MYO5A: variants seen among roughly 807,000 people sequenced by gnomAD.
MYO5A encodes unconventional myosin-Va.
A neutral mutation model predicts 249.7 loss-of-function variants in MYO5A; 98 were observed. The observed-to-expected ratio is 0.39, with a 90% CI of 0.33 to 0.46. The LOEUF is 0.46. MYO5A is among the 20% of genes least tolerant of loss of function. The probability of loss-of-function intolerance (pLI) is 0.98; values close to 1 mark genes in which losing one functional copy is unlikely to be tolerated. For synonymous variants in MYO5A, 778 were observed against 810.6 expected (o/e 0.96, Z 0.68); for missense variants, 1,696 against 2,308.8 (o/e 0.73, Z 5.44).
At chr15:52,353,780 G>T in intron 26 of MYO5A, 91 bp downstream of exon 26, 1 of 1,604,758 alleles carries the variant, frequency 6.2e-7, no homozygotes. Flanking sequence ...GTGGTGCTTG[G>T]ATAGGCTGGG....
At chr15:52,514,612 G>A (rs1298811711) in intron 1 of MYO5A, among the ~76,000 whole-genome samples, 1 of 152,192 alleles carries the variant, frequency 6.6e-6, no homozygotes, top group African/African-American at 2.4e-5. Flanking sequence ...GGCCCAGGGC[G>A]AAGGCAGGTC....
rs935879909 is a variant in MYO5A, at chr15:52,372,258, A to G, written c.2683T>C (p.Cys895Arg). Residue 895 changes from cysteine (C) to arginine (R), a missense_variant, in exon 21 of 42, where the codon TGC becomes CGC. Physicochemically the swap from Cys to Arg is radical, Grantham distance 180 (BLOSUM62 -3). Coordinates refer to ENST00000399233, the MANE Select transcript of MYO5A (RefSeq NM_001382347.1). ...CGCTTGGCCATCATCCGCCTGAAGC[A>G]GCACTGAAGGTAGATGATGGCATGC... is the stretch of plus-strand genomic sequence containing the variant. ...SMHAIIYLQC[C>R]FRRMMAKREL... is the part of the protein sequence containing the mutation. The G allele has an allele frequency of 1.2e-6, 2 of 1,612,610 alleles. No individual in the cohort carries two copies. Among genetic ancestry groups the G allele is most frequent in the Non-Finnish European group, 8.5e-7 (1 of 1,180,028 alleles).
intron 1 of MYO5A, among the ~76,000 whole-genome samples, chr15:52,484,177 A>C (rs2076772111): frequency 6.6e-6 from 1 of 152,238 alleles, no homozygotes; most frequent in Admixed American, 6.5e-5. Context: ...AGCAGAACCA[A>C]AAGTATTCTA....
intron 1 of MYO5A, 119 bp from the exon 2 acceptor site, chr15:52,433,404 T>A (rs538408974): frequency 1.7e-5 from 7 of 408,664 alleles, no homozygotes; most frequent in Non-Finnish European, 3.2e-5. Context: ...TTGGCCAACA[T>A]GAAATTCACT....
chr15:52,397,542 G>C, intron 9 of MYO5A, 76 bp from the exon 10 acceptor site: 4 of 1,532,190 alleles, frequency 2.6e-6, no homozygotes, highest in South Asian at 1.1e-5. Context: ...TTAACAAAGA[G>C]TTAACAAATA....
intron 1 of MYO5A, among the ~76,000 whole-genome samples, chr15:52,518,867 G>A (rs2077553014): frequency 6.6e-6 from 1 of 152,126 alleles, no homozygotes; most frequent in Non-Finnish European, 1.5e-5. Flanking sequence ...GTCAGATCAG[G>A]GAGTGGTAAT....
chr15:52,466,375 C>T (rs1449551952), intron 1 of MYO5A, among the ~76,000 whole-genome samples: 1 of 152,188 alleles, frequency 6.6e-6, no homozygotes, highest in Non-Finnish European at 1.5e-5. Flanking sequence ...CAACCCCACC[C>T]ATGGACCAGA....
intron 2 of MYO5A, among the ~76,000 whole-genome samples, chr15:52,430,288 C>CA (rs1055922323): frequency 2.6e-5 from 4 of 152,194 alleles, no homozygotes; most frequent in Admixed American, 2.6e-4. Flanking sequence ...GGCAGAAGGG[C>CA]AACCCAGAGC....
chr15:52,494,425 T>C (rs1477017810), intron 1 of MYO5A, among the ~76,000 whole-genome samples: 7 of 152,216 alleles, frequency 4.6e-5, no homozygotes, highest in Admixed American at 2.0e-4. Flanking sequence ...AAATATACTA[T>C]AGTATTTAGT....
At chr15:52,430,225 G>A (rs72736684) in intron 2 of MYO5A, among the ~76,000 whole-genome samples, 29 of 152,258 alleles carry the variant, frequency 1.9e-4, no homozygotes, top group Non-Finnish European at 3.4e-4. Context: ...CCTTGCATTG[G>A]CCCTGTAAAT....
chr15:52,333,560 A>C (rs2038984367), intron 34 of MYO5A, among the ~76,000 whole-genome samples: 1 of 152,190 alleles, frequency 6.6e-6, no homozygotes. Flanking sequence ...TGATTTCTAG[A>C]ATCCTTTCAG....
At chr15:52,483,645 A>T (rs2076760590) in intron 1 of MYO5A, among the ~76,000 whole-genome samples, 2 of 152,172 alleles carry the variant, frequency 1.3e-5, no homozygotes, top group African/African-American at 4.8e-5. Context: ...TTGGAAAAAC[A>T]TGTCCCACTC....
chr15:52,327,631 T>C (rs1363181872), intron 36 of MYO5A, among the ~76,000 whole-genome samples: 1 of 152,222 alleles, frequency 6.6e-6, no homozygotes, highest in East Asian at 1.9e-4. Flanking sequence ...TGCTTGAGCC[T>C]GGGATTGCAC....
rs750625209 is a variant in MYO5A at position 52,370,404 on chromosome 15, T to C, written c.2831A>G (p.Lys944Arg). ...ATTGGTTAGTTTCTCCACAAGGCAT[T>C]TGTAGTCTTTGTTCTTTAAACATAC... is the stretch of plus-strand genomic sequence containing the variant. ...RKVDEQNKDYKCLVEKLTNLE... is the reference protein window; with the variant it reads ...RKVDEQNKDYRCLVEKLTNLE... Residue 944 changes from lysine to arginine, a missense_variant, in exon 22 of 42, where the codon AAA (lysine) becomes AGA (arginine). Around this residue, in one of 5 missense-constraint regions of MYO5A, gnomAD observed 412 missense variants for 453.3 expected, o/e 0.91. Transcript: ENST00000399233. The C allele has an allele frequency of 3.7e-6, 6 of 1,611,446 alleles. No homozygotes were observed. The highest frequency in any genetic ancestry group is 4.2e-6 in the Non-Finnish European group (5 of 1,177,702).
At chr15:52,374,287 C>T (rs2041286182) in intron 20 of MYO5A, among the ~76,000 whole-genome samples, 1 of 152,218 alleles carries the variant, frequency 6.6e-6, no homozygotes, top group Non-Finnish European at 1.5e-5. Flanking sequence ...ATTTTAACCA[C>T]ATTAATGTTA....
intron 5 of MYO5A, among the ~76,000 whole-genome samples, chr15:52,414,614 T>C (rs2043395619): frequency 6.6e-6 from 1 of 152,188 alleles, no homozygotes. Flanking sequence ...TGGGATTACC[T>C]AATGCCATCA....
chr15:52,347,417 T>C (rs2039695840), intron 29 of MYO5A, among the ~76,000 whole-genome samples: 1 of 152,200 alleles, frequency 6.6e-6, no homozygotes, highest in Non-Finnish European at 1.5e-5. Flanking sequence ...AATGGAAACA[T>C]TTCCACATAA....
intron 1 of MYO5A, among the ~76,000 whole-genome samples, chr15:52,478,886 T>C (rs67876506): frequency 0.15 from 22,850 of 152,204 alleles, 1,824 homozygotes; most frequent in Middle Eastern, 0.22. Context: ...ACTGTAGTAC[T>C]ATGTGTACTG....
At chr15:52,515,937 G>C (rs943624540) in intron 1 of MYO5A, among the ~76,000 whole-genome samples, 2 of 152,018 alleles carry the variant, frequency 1.3e-5, no homozygotes, top group African/African-American at 4.8e-5. Flanking sequence ...AGAGAAAGGA[G>C]AATGACAGCT....
Sources: allele counts gnomAD v4.1 joint callset (sites outside exome capture counted in the v4.1 genomes callset), GRCh38; gene constraint gnomAD v4.1.1; regional missense constraint gnomAD v4.1.1; transcripts MANE v1.5; gene names NCBI Gene and HGNC (gene_info 2026-07-23, HGNC 2026-07-21).